The following BRINP3 variants were observed in gnomAD, a reference collection of about 807,000 sequenced individuals.
The protein encoded by BRINP3 is BMP/retinoic acid-inducible neural-specific protein 3.
Under a neutral mutation model 71.0 loss-of-function variants are expected in BRINP3, and 19 were observed. That is an observed-to-expected ratio of 0.27 (90% CI 0.19 to 0.39). The LOEUF (loss-of-function observed/expected upper bound fraction) is 0.39. Among genes scored for constraint, BRINP3 ranks in the 10% least tolerant of loss-of-function variants. The pLI is 1.00. For missense variants in BRINP3, 959 were observed against 940.8 expected, an observed-to-expected ratio of 1.02 and a Z score of -0.25; for synonymous variants, 380 against 337.7, an observed-to-expected ratio of 1.13 and a Z score of -1.37.
intron 2 of BRINP3, among the ~76,000 whole-genome samples, chr1:190,351,321 C>T (rs1293912846): frequency 6.6e-6 from 1 of 151,950 alleles, no homozygotes; most frequent in Non-Finnish European, 1.5e-5. Flanking sequence ...AGAAAGATTG[C>T]TAACATATGC....
chr1:190,470,661 G>T (rs549928556), intron 1 of BRINP3, among the ~76,000 whole-genome samples: 5 of 151,206 alleles, frequency 3.3e-5, no homozygotes, highest in Admixed American at 6.6e-5. Context: ...ATAGAAGAAT[G>T]AGAATCTATA....
At chr1:190,329,015 A>G (rs2103073821) in intron 2 of BRINP3, among the ~76,000 whole-genome samples, 1 of 152,194 alleles carries the variant, frequency 6.6e-6, no homozygotes, top group Admixed American at 6.6e-5. Flanking sequence ...TGTTGAAGGC[A>G]CATACCTCGA....
At position 190,344,405 on chromosome 1, in the gene BRINP3, C is replaced by T. The variant is rs1026354411; in HGVS notation, c.237-62655G>A. The stretch of plus-strand genomic sequence containing the variant: ...GGCAGTTTGACGCTACAGAGCTGTA[C>T]TTCAACTATGATTGCTGAATTGGCC... On this transcript the variant is annotated intron_variant, in intron 2 of 7. Transcript: ENST00000367462. 3.3e-5 allele frequency among the ~76,000 whole-genome samples: 5 copies of T among 151,950 alleles called. No individual in the cohort carries two copies. The South Asian group carries it at 8.3e-4, about 25-fold the overall frequency.
chr1:190,137,175 G>A (rs1655044035), intron 7 of BRINP3, among the ~76,000 whole-genome samples: 1 of 151,976 alleles, frequency 6.6e-6, no homozygotes, highest in South Asian at 2.1e-4. Flanking sequence ...TCCACTGAAG[G>A]AGGTTTGGGG....
chr1:190,247,706 C>CT (rs202001679), intron 4 of BRINP3, among the ~76,000 whole-genome samples: 3,652 of 151,786 alleles, frequency 0.024, 71 homozygotes, highest in South Asian at 0.1. Flanking sequence ...TCAGGAATTC[C>CT]TTTTTTCTTT....
intron 2 of BRINP3, among the ~76,000 whole-genome samples, chr1:190,390,140 T>C (rs749932409): frequency 7.3e-5 from 11 of 151,518 alleles, no homozygotes; most frequent in Non-Finnish European, 4.4e-5. Context: ...TTACAGCAGG[T>C]AAATCTTGGG....
intron 2 of BRINP3, among the ~76,000 whole-genome samples, chr1:190,340,811 C>T (rs1480709331): frequency 6.6e-6 from 1 of 151,624 alleles, no homozygotes; most frequent in Non-Finnish European, 1.5e-5. Flanking sequence ...TCAGCTCAAT[C>T]CTTATTCTCT....
chr1:190,402,990 G>A lies in BRINP3; in HGVS notation c.236+51665C>T, dbSNP rs115089024. On this transcript the variant is annotated intron_variant, in intron 2 of 7. Transcript: ENST00000367462. The stretch of plus-strand genomic sequence containing the variant: ...TACCTGCCCACCTCGGCCTCCCAAC[G>A]TGCTGGGATTACAGGAATGAGCTAC... Among the ~76,000 whole-genome samples the A allele has an allele frequency of 9.5e-3, 1,447 of 152,226 alleles. 22 individuals are homozygous for A. Among genetic ancestry groups the A allele is most frequent in the South Asian group, 0.018 (88 of 4,824 alleles).
chr1:190,179,112 G>A (rs1652813139), intron 6 of BRINP3, among the ~76,000 whole-genome samples: 1 of 152,010 alleles, frequency 6.6e-6, no homozygotes, highest in Non-Finnish European at 1.5e-5. Flanking sequence ...CTAGCAGGAG[G>A]CCCTTAATAT....
chr1:190,436,310 T>C (rs948497358), intron 2 of BRINP3, among the ~76,000 whole-genome samples: 1 of 152,026 alleles, frequency 6.6e-6, no homozygotes, highest in African/African-American at 2.4e-5. Flanking sequence ...TGATTTTATG[T>C]AGATTAACCA....
At chr1:190,271,832 G>A (rs1662138008) in intron 3 of BRINP3, among the ~76,000 whole-genome samples, 1 of 151,482 alleles carries the variant, frequency 6.6e-6, no homozygotes, top group Non-Finnish European at 1.5e-5. Flanking sequence ...CAAAATAGCT[G>A]GAGCACATGC....
At chr1:190,186,567 T>C (rs1653546923) in intron 6 of BRINP3, among the ~76,000 whole-genome samples, 1 of 152,326 alleles carries the variant, frequency 6.6e-6, no homozygotes, top group Admixed American at 6.5e-5. Context: ...AAGGTTCTTC[T>C]TGGTACTTTC....
chr1:190,228,394 C>A (rs10753946), intron 5 of BRINP3, among the ~76,000 whole-genome samples: 88,940 of 151,542 alleles, frequency 0.59, 26,359 homozygotes, highest in Admixed American at 0.69. Context: ...CACAAAAAAA[C>A]CAAAGAACTC....
intron 6 of BRINP3, among the ~76,000 whole-genome samples, chr1:190,206,136 T>C (rs2102631499): frequency 6.6e-6 from 1 of 152,122 alleles, no homozygotes; most frequent in South Asian, 2.1e-4. Flanking sequence ...AAGGTTAACT[T>C]GGGGTTCACT....
intron 2 of BRINP3, among the ~76,000 whole-genome samples, chr1:190,344,098 A>G (rs879700423): frequency 6.6e-6 from 1 of 151,832 alleles, no homozygotes; most frequent in Non-Finnish European, 1.5e-5. Flanking sequence ...ATTCACCAAG[A>G]TAAAATATAT....
chr1:190,461,358 C>A (rs1220283562), intron 1 of BRINP3, among the ~76,000 whole-genome samples: 2 of 152,230 alleles, frequency 1.3e-5, no homozygotes, highest in East Asian at 3.9e-4. Flanking sequence ...CTAACATTGA[C>A]CTTAAAACCT....
chr1:190,462,680 A>G (rs1453215581), intron 1 of BRINP3, among the ~76,000 whole-genome samples: 1 of 152,108 alleles, frequency 6.6e-6, no homozygotes, highest in East Asian at 1.9e-4. Context: ...AAATTTTCTT[A>G]TTTCAGTTCT....
intron 2 of BRINP3, among the ~76,000 whole-genome samples, chr1:190,283,872 T>G (rs1663226915): frequency 6.6e-6 from 1 of 151,766 alleles, no homozygotes; most frequent in Non-Finnish European, 1.5e-5. Context: ...TGAAAAATGC[T>G]TGTAATTTAA....
At chr1:190,461,010 T>G (rs114711432) in intron 1 of BRINP3, among the ~76,000 whole-genome samples, 11 of 152,356 alleles carry the variant, frequency 7.2e-5, no homozygotes, top group Non-Finnish European at 1.3e-4. Context: ...CCACTAGCCA[T>G]GTGGCTCTAT....
Sources: gnomAD v4.1 joint callset for allele counts (sites outside exome capture counted in the v4.1 genomes callset) on GRCh38, gnomAD v4.1.1 for gene constraint, MANE v1.5 for transcripts, NCBI Gene and HGNC (gene_info 2026-07-23, HGNC 2026-07-21) for gene names.